Variants in BRWD1 observed in about 807,000 individuals in gnomAD.
BRWD1 encodes bromodomain and WD repeat domain containing 1.
A neutral mutation model predicts 251.2 loss-of-function variants in BRWD1; 82 were observed. That is an observed-to-expected ratio of 0.33 (90% confidence interval 0.27 to 0.39). The LOEUF is 0.39. Ranked by LOEUF, BRWD1 falls within the 10% of genes least tolerant of loss-of-function variation. The probability of loss-of-function intolerance (pLI) is 1.00; values close to 1 mark genes in which losing one functional copy is unlikely to be tolerated. For missense variants in BRWD1, 2,233 were observed against 2,711.6 expected, an observed-to-expected ratio of 0.82 and a Z score of 3.92; for synonymous variants, 918 against 902.8, an observed-to-expected ratio of 1.02 and a Z score of -0.30.
rs1402171739 is a variant in BRWD1 at position 39,218,764 on chromosome 21, CCA to C, written c.3383-106_3383-105del. 3 of 911,954 alleles carry C rather than the reference CCA, an allele frequency of 3.3e-6. No homozygotes were observed. The East Asian group carries it at 8.9e-5, about 27-fold the overall frequency. The allele number at this position is 911,954 out of a possible 1,614,324, so 56.5% of individuals were successfully genotyped here. A position where few individuals can be genotyped will look rare whatever the true frequency, so the allele number is the denominator to read the frequency against. Reference sequence around the variant, plus strand: ...CATAGCTTATAAAACTAGGTTATCTCCACAGTCAAAAATAGAGTTCAAATGTG... The same window carrying C: ...CATAGCTTATAAAACTAGGTTATCTCCAGTCAAAAATAGAGTTCAAATGTG... On this transcript the variant is annotated intron_variant, in intron 29 of 40. Coordinates refer to ENST00000342449, the MANE Select transcript of BRWD1 (RefSeq NM_033656.4).
chr21:39,224,651 C>T (rs1189074062), intron 28 of BRWD1, among the ~76,000 whole-genome samples, 182 bp from the exon 29 acceptor site: 2 of 152,084 alleles, frequency 1.3e-5, no homozygotes, highest in Non-Finnish European at 2.9e-5. Flanking sequence ...AAGAACAAAA[C>T]CAGAAATCCT....
rs1305212041 is a variant in BRWD1, at chr21:39,298,468, C to A, written c.313G>T (p.Gly105Cys). ...CGTAGCAAAGACTGCCTTCCTGCAC[C>A]AAGTAAAGAAGTGACTCTTGAAATA... ...PSISRVTSLL[G>C]AGRQSLLRTA... Residue 105 changes from glycine to cysteine, a missense_variant, in exon 5 of 41, where the codon GGT (glycine) becomes TGT (cysteine). Physicochemically the swap from Gly to Cys is radical, Grantham distance 159. Around this residue, in one of 12 missense-constraint regions of BRWD1, gnomAD observed 185 missense variants for 260.6 expected, o/e 0.71. Transcript: ENST00000342449. 1 of 1,606,474 alleles carries A rather than the reference C, an allele frequency of 6.2e-7. No homozygotes were observed. Among genetic ancestry groups the A allele is most frequent in the Non-Finnish European group, 8.5e-7 (1 of 1,177,304 alleles).
chr21:39,257,839 T>C (rs1201521853), intron 18 of BRWD1, among the ~76,000 whole-genome samples: 5 of 152,142 alleles, frequency 3.3e-5, no homozygotes, highest in Non-Finnish European at 7.4e-5. Flanking sequence ...CAAAAGCAAG[T>C]ATAGTAATAT....
rs760279592 is a variant in BRWD1, at chr21:39,236,679, A to G, written c.2682T>C (p.Ser894=). Residue 894 remains serine, a synonymous_variant, in exon 23 of 41, where the codon AGT becomes AGC. Coordinates refer to ENST00000342449, the MANE Select transcript of BRWD1 (RefSeq NM_033656.4). ...CRRRITRFCS[S]SEDEISTENL... ...TCTCAGTAGATATTTCATCTTCTGA[A>G]CTACTACAAAATCGAGTAATTCGTC... 27 of 1,613,876 alleles carry G rather than the reference A, an allele frequency of 1.7e-5. No individual in the cohort carries two copies. The South Asian group carries it at 2.6e-4, about 16-fold the overall frequency.
At chr21:39,314,001 C>T, upstream of BRWD1, 3 of 448,340 alleles carry the variant, frequency 6.7e-6, no homozygotes, top group South Asian at 1.6e-5. Flanking sequence ...CCCCGTGGGA[C>T]CTGGGTCCTC....
intron 4 of BRWD1, among the ~76,000 whole-genome samples, chr21:39,301,826 G>C (rs1247894752): frequency 6.7e-6 from 1 of 149,312 alleles, no homozygotes; most frequent in Non-Finnish European, 1.5e-5. Context: ...ATTTTCAAAG[G>C]AGCAATAAGA....
intron 37 of BRWD1, among the ~76,000 whole-genome samples, chr21:39,203,567 C>T (rs948667511): frequency 1.5e-4 from 23 of 150,546 alleles, no homozygotes; most frequent in South Asian, 4.2e-4. Flanking sequence ...CCACCACGCC[C>T]GGCTAATTTT....
At chr21:39,310,688 C>G (rs1347685831) in intron 4 of BRWD1, among the ~76,000 whole-genome samples, 1 of 152,098 alleles carries the variant, frequency 6.6e-6, no homozygotes, top group East Asian at 1.9e-4. Flanking sequence ...TGAAATACTT[C>G]TTTTTTGTTG....
chr21:39,221,236 A>G (rs2033164573), intron 29 of BRWD1, among the ~76,000 whole-genome samples: 1 of 152,148 alleles, frequency 6.6e-6, no homozygotes, highest in Admixed American at 6.6e-5. Flanking sequence ...TTGAGGGGAA[A>G]AAACTAAATC....
chr21:39,197,106 G>T lies in BRWD1; in HGVS notation c.5963C>A (p.Pro1988Gln). The change falls in exon 41 of 41, where the codon CCA becomes CAA. Residue 1988 changes from proline to glutamine, a missense_variant. Pro to Gln is a moderately conservative substitution (Grantham distance 76). Around this residue, in one of 12 missense-constraint regions of BRWD1, gnomAD observed 928 missense variants for 970.0 expected, o/e 0.96. Transcript: ENST00000342449. ...DCEGSVHCEV[P>Q]SEQYACEGKP... Reference sequence around the variant, plus strand: ...GCCTTCACAGGCATACTGTTCACTTGGTACTTCACAATGTACACTTCCTTC... The same window carrying T: ...GCCTTCACAGGCATACTGTTCACTTTGTACTTCACAATGTACACTTCCTTC... 6.2e-7 allele frequency: 1 copy of T among 1,614,088 alleles called. No homozygotes were observed. The highest frequency in any genetic ancestry group is 8.5e-7 in the Non-Finnish European group (1 of 1,179,972).
chr21:39,239,791 CATTACTGATAGGA>C (rs1419312320), intron 21 of BRWD1, among the ~76,000 whole-genome samples: 2 of 152,176 alleles, frequency 1.3e-5, no homozygotes, highest in Non-Finnish European at 2.9e-5. Flanking sequence ...AACTCTCATT[CATTACTGATAGGA>C]ATGCAAAATG....
rs778810568 is a variant in BRWD1, at chr21:39,224,396, A to C, written c.3382+12T>G. 6.6e-7 allele frequency: 1 copy of C among 1,512,062 alleles called. No individual in the cohort carries two copies. Among genetic ancestry groups the C allele is most frequent in the Non-Finnish European group, 9.1e-7 (1 of 1,104,590 alleles). The allele number at this position is 1,512,062 out of a possible 1,614,324, so 93.7% of individuals were successfully genotyped here. A position where few individuals can be genotyped will look rare whatever the true frequency, so the allele number is the denominator to read the frequency against. The stretch of plus-strand genomic sequence containing the variant: ...AAATAAAATGTTTTCATTATTTAAC[A>C]AATATATATACCATTATCAGGAATT... On this transcript the variant is annotated intron_variant, in intron 29 of 40. Transcript: ENST00000342449.
At chr21:39,273,120 C>A (rs750045619) in intron 13 of BRWD1, among the ~76,000 whole-genome samples, 14 of 152,246 alleles carry the variant, frequency 9.2e-5, no homozygotes, top group Non-Finnish European at 1.6e-4. Flanking sequence ...GGATCGAGTG[C>A]GTCAGCAAGA....
At chr21:39,301,978 GT>G (rs750413248) in intron 4 of BRWD1, among the ~76,000 whole-genome samples, 2,499 of 79,804 alleles carry the variant, frequency 0.031, 22 homozygotes, top group African/African-American at 0.097. Flanking sequence ...AGCTTTGTGT[GT>G]TTTTTTTTTT....
intron 13 of BRWD1, among the ~76,000 whole-genome samples, chr21:39,273,962 T>A (rs566524558): frequency 6.6e-6 from 1 of 152,320 alleles, no homozygotes; most frequent in East Asian, 1.9e-4. Context: ...ATAAAGTATG[T>A]TTGCTTACCC....
intron 5 of BRWD1, chr21:39,297,778 A>G: frequency 2.9e-6 from 2 of 680,158 alleles, no homozygotes; most frequent in Non-Finnish European, 3.6e-6. Context: ...AACTTGATGT[A>G]TACTCAGCAT....
intron 21 of BRWD1, among the ~76,000 whole-genome samples, chr21:39,245,357 A>C (rs1305994520): frequency 6.6e-6 from 1 of 152,120 alleles, no homozygotes; most frequent in East Asian, 1.9e-4. Context: ...TTCTCACCAC[A>C]CCTCTGAGGT....
rs1210472700 is a variant in BRWD1 at position 39,199,053 on chromosome 21, G to A, written c.5363C>T (p.Ser1788Leu). 1.2e-6 allele frequency: 2 copies of A among 1,614,128 alleles called. No individual in the cohort carries two copies. Among genetic ancestry groups the A allele is most frequent in the Admixed American group, 1.7e-5 (1 of 60,020 alleles). ...TCCTGGTTCAGAATCTGCTTCCTCT[G>A]AGATGCTCTCTGCCTTAAGTTTCTG... The part of the protein sequence containing the change: ...SVQKLKAESI[S>L]EEADSEPGRS... Residue 1788 changes from serine (S) to leucine (L), a missense_variant, in exon 40 of 41, where the codon TCA (serine) becomes TTA (leucine). Physicochemically the swap from Ser to Leu is moderately radical, Grantham distance 145 (BLOSUM62 -2). Transcript: ENST00000342449.
intron 15 of BRWD1, among the ~76,000 whole-genome samples, chr21:39,266,663 C>T (rs1207070899): frequency 1.3e-5 from 2 of 152,200 alleles, no homozygotes; most frequent in Non-Finnish European, 2.9e-5. Context: ...TAACTGGAAG[C>T]GTCCTATACA....
Sources: gnomAD v4.1 joint callset for allele counts (sites outside exome capture counted in the v4.1 genomes callset) on GRCh38, gnomAD v4.1.1 for gene constraint, gnomAD v4.1.1 regional missense constraint, MANE v1.5 for transcripts, NCBI Gene and HGNC (gene_info 2026-07-23, HGNC 2026-07-21) for gene names.